AK9: variants seen among roughly 807,000 people sequenced by gnomAD.
AK9 encodes the protein adenylate kinase domain containing 1.
Under a neutral mutation model 239.6 loss-of-function variants are expected in AK9, and 191 were observed. That is an observed-to-expected ratio of 0.80 (90% CI 0.71 to 0.90). The LOEUF is 0.90. Among genes scored for constraint, AK9 ranks in the 40% least tolerant of loss-of-function variants. AK9 has a pLI of 0.00. For missense variants in AK9, 1,995 were observed against 2,214.7 expected (o/e 0.90, Z 1.99); for synonymous variants, 689 against 721.0 (o/e 0.96, Z 0.71).
intron 17 of AK9, among the ~76,000 whole-genome samples, chr6:109,603,015 G>C (rs1414717147): frequency 6.6e-6 from 1 of 152,136 alleles, no homozygotes; most frequent in African/African-American, 2.4e-5. Context: ...CGATGGGTTC[G>C]AACTTCCTCC....
At chr6:109,630,983 A>G (rs1796038928) in intron 12 of AK9, among the ~76,000 whole-genome samples, 1 of 152,238 alleles carries the variant, frequency 6.6e-6, no homozygotes, top group Non-Finnish European at 1.5e-5. Flanking sequence ...AAACAACTGA[A>G]TATCTATATG....
chr6:109,514,932 C>T (rs1440123023), intron 31 of AK9, among the ~76,000 whole-genome samples: 1 of 152,100 alleles, frequency 6.6e-6, no homozygotes. Flanking sequence ...AAGGATGGAA[C>T]CTGAATCTGG....
intron 12 of AK9, among the ~76,000 whole-genome samples, chr6:109,629,791 C>T (rs916611907): frequency 6.6e-6 from 1 of 152,020 alleles, no homozygotes; most frequent in African/African-American, 2.4e-5. Context: ...CGTCACCGTG[C>T]CCGGCTAATT....
chr6:109,527,979 GC>G (rs1780728474), intron 29 of AK9: 2 of 152,146 alleles, frequency 1.3e-5, no homozygotes, highest in South Asian at 4.1e-4. Context: ...ACAATAAAAA[GC>G]CCTAGGTTTA....
Position 109,499,114 on chromosome 6 carries a change from G to C in AK9, c.4976C>G (p.Thr1659Ser). ...CTCTGCTGCAAATTCCAAGGAGTCA[G>C]TTGCAGAGCAATCAAATAATTCCTG... ...ESQELFDCSA[T>S]DSLEFAAEFR... is the part of the protein sequence containing the mutation. Residue 1659 changes from threonine (T) to serine (S), a missense_variant, in exon 36 of 41, where the codon ACT (threonine) becomes AGT (serine). By Grantham distance (58) the Thr-to-Ser change is moderately conservative. Coordinates refer to ENST00000424296, the MANE Select transcript of AK9 (RefSeq NM_001145128.3). The C allele has an allele frequency of 1.9e-6, 3 of 1,608,868 alleles. No individual in the cohort carries two copies. Among genetic ancestry groups the C allele is most frequent in the Non-Finnish European group, 2.5e-6 (3 of 1,177,454 alleles).
At chr6:109,654,985 G>A (rs1799485599) in intron 8 of AK9, among the ~76,000 whole-genome samples, 1 of 152,164 alleles carries the variant, frequency 6.6e-6, no homozygotes, top group African/African-American at 2.4e-5. Flanking sequence ...CAACATATAA[G>A]GCAATTGCTT....
intron 8 of AK9, among the ~76,000 whole-genome samples, chr6:109,647,110 A>G (rs890173215): frequency 6.6e-6 from 1 of 152,218 alleles, no homozygotes; most frequent in Non-Finnish European, 1.5e-5. Flanking sequence ...GAAAGGAACA[A>G]CCAGTAACAG....
At chr6:109,611,951 T>A (rs1423609178) in intron 16 of AK9, 59 bp downstream of exon 16, 19 of 1,129,054 alleles carry the variant, frequency 1.7e-5, no homozygotes, top group Non-Finnish European at 2.4e-5. Flanking sequence ...CTGAGGGAAC[T>A]ACTTGTGTTT....
intron 17 of AK9, among the ~76,000 whole-genome samples, chr6:109,594,684 C>T (rs1049434291): frequency 6.6e-6 from 1 of 152,136 alleles, no homozygotes; most frequent in Non-Finnish European, 1.5e-5. Context: ...TGGAAGAAAA[C>T]AGAGGCCTCA....
At chr6:109,543,287 C>G (rs1179449678) in intron 26 of AK9, among the ~76,000 whole-genome samples, 1 of 152,100 alleles carries the variant, frequency 6.6e-6, no homozygotes, top group Non-Finnish European at 1.5e-5. Flanking sequence ...TACCGGGAAG[C>G]AGGATTAATT....
intron 25 of AK9, among the ~76,000 whole-genome samples, chr6:109,549,143 TTG>T (rs1452030621): frequency 6.6e-6 from 1 of 152,226 alleles, no homozygotes; most frequent in African/African-American, 2.4e-5. Flanking sequence ...AAAATGACTA[TTG>T]TATAGCCATG....
At chr6:109,686,407 G>A (rs1044473752) in intron 1 of AK9, among the ~76,000 whole-genome samples, 1 of 152,230 alleles carries the variant, frequency 6.6e-6, no homozygotes, top group East Asian at 1.9e-4. Context: ...AAGAGGCACA[G>A]TATTTTGCAG....
intron 24 of AK9, among the ~76,000 whole-genome samples, chr6:109,554,515 TATTTC>T (rs200462159): frequency 0.013 from 1,827 of 143,948 alleles, 30 homozygotes; most frequent in African/African-American, 0.046. Flanking sequence ...TGGCAGTTTG[TATTTC>T]TTTTCTTTTT....
rs554926044 is a variant in AK9, at chr6:109,506,827, A to T, written c.4482-27T>A. On this transcript the variant is annotated intron_variant, in intron 33 of 40. Transcript: ENST00000424296. ...TAACAAGGAAAAACATGAAAATAAAAATTCCACATTTCTTTTTCTCTCGTA... is the reference window on the plus strand; with the variant it reads ...TAACAAGGAAAAACATGAAAATAAATATTCCACATTTCTTTTTCTCTCGTA... The T allele has an allele frequency of 4.1e-6, 6 of 1,464,044 alleles. No individual in the cohort carries two copies. The African/African-American group carries it at 8.6e-5, about 21-fold the overall frequency. The allele number at this position is 1,464,044 out of a possible 1,614,324, so 90.7% of individuals were successfully genotyped here.
In AK9 at chr6:109,561,195, G is replaced by A. The variant is rs572451071; in HGVS notation, c.2751+2402C>T. On this transcript the variant is annotated intron_variant, in intron 24 of 40. Transcript: ENST00000424296. ...TCTTGAACTCCTGACCTCATGATCC[G>A]CCTGCCTCGGCTTCCCAAAGTGCTG... Among the ~76,000 whole-genome samples the A allele has an allele frequency of 7.2e-5, 11 of 152,146 alleles. No individual in the cohort carries two copies. In the South Asian group the frequency reaches 1.7e-3, roughly 23 times the overall value.
At chr6:109,535,864 T>A (rs1450204551) in intron 27 of AK9, among the ~76,000 whole-genome samples, 5 of 152,218 alleles carry the variant, frequency 3.3e-5, no homozygotes, top group East Asian at 1.9e-4. Flanking sequence ...AAATAGGGAA[T>A]CCTTTCCCCA....
At position 109,610,200 on chromosome 6, in the gene AK9, C is replaced by G. The variant is rs761226575; in HGVS notation, c.1842+165G>C. Among the ~76,000 whole-genome samples the G allele has an allele frequency of 8.5e-4, 129 of 152,288 alleles. 1 individual carries two copies. Among genetic ancestry groups the G allele is most frequent in the Non-Finnish European group, 1.6e-3 (107 of 68,028 alleles). On this transcript the variant is annotated intron_variant, in intron 17 of 40. Transcript: ENST00000424296. ...ACCAAAGAGCATCAGTAGTTGTTCA[C>G]TGGGGTACTTCGCACTTAACAATGC...
In AK9 at chr6:109,542,075, A is replaced by C; in HGVS notation, c.3322T>G (p.Ser1108Ala). 1 of 1,604,970 alleles carries C rather than the reference A, an allele frequency of 6.2e-7. No homozygotes were observed. Among genetic ancestry groups the C allele is most frequent in the Non-Finnish European group, 8.5e-7 (1 of 1,173,362 alleles). The change falls in exon 27 of 41, where the codon TCT becomes GCT. Residue 1108 changes from serine (S) to alanine (A), a missense_variant. By Grantham distance (99) the Ser-to-Ala change is moderately conservative. Around this residue, in one of 5 missense-constraint regions of AK9, gnomAD observed 1,290 missense variants for 1,392.7 expected, o/e 0.93. Coordinates refer to ENST00000424296, the MANE Select transcript of AK9 (RefSeq NM_001145128.3). ...LPPEILEVIL[S>A]EWWLKEPIRS... The stretch of plus-strand genomic sequence containing the variant: ...ATTGGTTCCTTAAGCCACCACTCAG[A>C]AAGAATTACTTCAAGAATTTCAGGA...
intron 5 of AK9, among the ~76,000 whole-genome samples, chr6:109,667,408 TA>T: frequency 6.6e-6 from 1 of 152,180 alleles, no homozygotes; most frequent in East Asian, 1.9e-4. Flanking sequence ...TTATTTTATT[TA>T]TTTTTAATCA....
Sources: allele counts gnomAD v4.1 joint callset (sites outside exome capture counted in the v4.1 genomes callset), GRCh38; gene constraint gnomAD v4.1.1; regional missense constraint gnomAD v4.1.1; transcripts MANE v1.5; gene names NCBI Gene and HGNC (gene_info 2026-07-23, HGNC 2026-07-21).